The following DOK6 variants were observed in gnomAD, a reference collection of about 807,000 sequenced individuals.
The protein encoded by DOK6 is downstream of tyrosine kinase 6.
A neutral mutation model predicts 44.0 loss-of-function variants in DOK6; 22 were observed. That is an observed-to-expected ratio of 0.50 (90% CI 0.36 to 0.71). The LOEUF (loss-of-function observed/expected upper bound fraction) is 0.71. Among genes scored for constraint, DOK6 ranks in the 30% least tolerant of loss-of-function variants. The pLI, the probability that DOK6 is intolerant of heterozygous loss-of-function variation, is 0.00. For missense variants in DOK6, 340 were observed against 416.4 expected, an observed-to-expected ratio of 0.82 and a Z score of 1.60; for synonymous variants, 166 against 145.5, an observed-to-expected ratio of 1.14 and a Z score of -1.01.
intron 3 of DOK6, among the ~76,000 whole-genome samples, chr18:69,649,358 T>TA (rs1985163376): frequency 2.0e-5 from 3 of 152,210 alleles, no homozygotes; most frequent in Non-Finnish European, 4.4e-5. Context: ...GTCAGAGATC[T>TA]AAAAAATGAC....
intron 7 of DOK6, among the ~76,000 whole-genome samples, chr18:69,772,290 T>A (rs1293347493): frequency 6.6e-6 from 1 of 152,054 alleles, no homozygotes. Context: ...TCTATACTAC[T>A]CTAAAGCATC....
intron 3 of DOK6, among the ~76,000 whole-genome samples, chr18:69,668,706 A>C (rs1414773273): frequency 6.6e-6 from 1 of 152,120 alleles, no homozygotes; most frequent in East Asian, 1.9e-4. Flanking sequence ...TAAGAGTCCT[A>C]GTTTGTTGTT....
At chr18:69,409,527 G>T (rs1978297809) in intron 1 of DOK6, among the ~76,000 whole-genome samples, 1 of 152,172 alleles carries the variant, frequency 6.6e-6, no homozygotes, top group South Asian at 2.1e-4. Flanking sequence ...ACATGGAATT[G>T]CTATCTTTGC....
At chr18:69,484,150 TA>T (rs968074821) in intron 1 of DOK6, among the ~76,000 whole-genome samples, 8 of 151,690 alleles carry the variant, frequency 5.3e-5, no homozygotes, top group East Asian at 1.9e-4. Flanking sequence ...AGCCTTTCCA[TA>T]AAAAAAATAA....
chr18:69,402,910 T>C (rs1916131104), intron 1 of DOK6, among the ~76,000 whole-genome samples: 1 of 151,844 alleles, frequency 6.6e-6, no homozygotes. Context: ...TCTCCAGGAG[T>C]CTGGTTGTTC....
intron 1 of DOK6, among the ~76,000 whole-genome samples, chr18:69,465,454 C>G (rs990103354): frequency 4.0e-5 from 6 of 151,578 alleles, no homozygotes; most frequent in Non-Finnish European, 1.5e-5. Context: ...TATCCCTCCC[C>G]GCTCCCCCCA....
At chr18:69,753,143 AAG>A (rs914677248) in intron 6 of DOK6, among the ~76,000 whole-genome samples, 20 of 152,230 alleles carry the variant, frequency 1.3e-4, no homozygotes, top group Admixed American at 3.3e-4. Flanking sequence ...TAGGGGAGGA[AAG>A]AGAGATGAGG....
chr18:69,670,794 C>T (rs952894854), intron 3 of DOK6, among the ~76,000 whole-genome samples: 2 of 152,152 alleles, frequency 1.3e-5, no homozygotes, highest in East Asian at 1.9e-4. Context: ...GGGCATGAGC[C>T]ACCGTGCCTG....
At chr18:69,422,207 C>T (rs546229385) in intron 1 of DOK6, among the ~76,000 whole-genome samples, 2 of 152,206 alleles carry the variant, frequency 1.3e-5, no homozygotes, top group South Asian at 4.2e-4. Context: ...TGCCCTCTCT[C>T]CACCCACCAC....
chr18:69,709,183 G>A (rs1205798997), intron 5 of DOK6, among the ~76,000 whole-genome samples: 1 of 152,144 alleles, frequency 6.6e-6, no homozygotes, highest in East Asian at 1.9e-4. Flanking sequence ...TGACTCTGGT[G>A]TCACTTACTT....
At chr18:69,469,782 AGGCGGATGGAGCGC>A (rs1353253359) in intron 1 of DOK6, 1 of 235,298 alleles carries the variant, frequency 4.2e-6, no homozygotes, top group African/African-American at 2.3e-5. Flanking sequence ...CAGGAGCCAG[AGGCGGATGGAGCGC>A]GGCAGAGGCG....
intron 7 of DOK6, among the ~76,000 whole-genome samples, chr18:69,778,358 G>A (rs1488199222): frequency 2.0e-5 from 3 of 150,538 alleles, no homozygotes; most frequent in Non-Finnish European, 4.4e-5. Context: ...GATATTTGAG[G>A]AAAGTATGAA....
chr18:69,834,137 A>G (rs1981977618), intron 7 of DOK6, among the ~76,000 whole-genome samples: 1 of 152,228 alleles, frequency 6.6e-6, no homozygotes, highest in Admixed American at 6.5e-5. Flanking sequence ...CTATGTCCAT[A>G]AACAGATGAA....
At chr18:69,692,502 C>A (rs1372959759) in intron 4 of DOK6, among the ~76,000 whole-genome samples, 2 of 152,176 alleles carry the variant, frequency 1.3e-5, no homozygotes, top group Non-Finnish European at 2.9e-5. Context: ...GTTTTTATCA[C>A]GTGATATTTT....
chr18:69,816,032 TAAGAG>T (rs1419399368), intron 7 of DOK6, among the ~76,000 whole-genome samples: 2 of 152,148 alleles, frequency 1.3e-5, no homozygotes, highest in Admixed American at 6.6e-5. Context: ...CACTGTGACT[TAAGAG>T]GAGAAATGGA....
At chr18:69,740,341 T>A (rs1183787099) in intron 6 of DOK6, among the ~76,000 whole-genome samples, 1 of 152,240 alleles carries the variant, frequency 6.6e-6, no homozygotes, top group Admixed American at 6.5e-5. Context: ...AAAATATAAC[T>A]ATCAAATTTC....
chr18:69,555,950 G>A (rs966232362), intron 1 of DOK6, among the ~76,000 whole-genome samples: 1 of 152,116 alleles, frequency 6.6e-6, no homozygotes, highest in Non-Finnish European at 1.5e-5. Flanking sequence ...ACAATTCTGA[G>A]GCTACATTCA....
intron 1 of DOK6, among the ~76,000 whole-genome samples, chr18:69,516,535 A>G (rs1235979881): frequency 6.6e-6 from 1 of 152,224 alleles, no homozygotes; most frequent in Non-Finnish European, 1.5e-5. Context: ...GATGGTCATT[A>G]AAATGTACTA....
chr18:69,597,433 A>G (rs1181402402), intron 2 of DOK6, among the ~76,000 whole-genome samples: 3 of 152,344 alleles, frequency 2.0e-5, no homozygotes, highest in Non-Finnish European at 2.9e-5. Context: ...CTTTAAAGAT[A>G]TCTGATTGCT....
Sources: allele counts gnomAD v4.1 joint callset (sites outside exome capture counted in the v4.1 genomes callset), GRCh38; gene constraint gnomAD v4.1.1; transcripts MANE v1.5; gene names NCBI Gene and HGNC (gene_info 2026-07-23, HGNC 2026-07-21).